The following RPS6KA2 variants were observed in gnomAD, a reference collection of about 807,000 sequenced individuals.
RPS6KA2 encodes the protein ribosomal protein S6 kinase A2.
In RPS6KA2, 42 loss-of-function variants were observed where a neutral mutation model predicts 91.8. The observed-to-expected ratio is 0.46, with a 90% CI of 0.36 to 0.59. The LOEUF (loss-of-function observed/expected upper bound fraction) is 0.59, where lower values mean the gene tolerates loss of function less well. Ranked by LOEUF, RPS6KA2 falls within the 20% of genes least tolerant of loss-of-function variation. The probability of loss-of-function intolerance (pLI) is 0.00; values close to 1 mark genes in which losing one functional copy is unlikely to be tolerated. For missense variants in RPS6KA2, 798 were observed against 978.5 expected, an observed-to-expected ratio of 0.82 and a Z score of 2.46; for synonymous variants, 414 against 393.6, an observed-to-expected ratio of 1.05 and a Z score of -0.61.
intron 1 of RPS6KA2, among the ~76,000 whole-genome samples, chr6:166,552,487 A>G (rs1226302501): frequency 6.6e-6 from 1 of 152,216 alleles, no homozygotes; most frequent in African/African-American, 2.4e-5. Context: ...CATTACTGGC[A>G]CAATATATAA....
At chr6:166,450,614 T>C (rs116048943) in intron 13 of RPS6KA2, among the ~76,000 whole-genome samples, 2,334 of 109,248 alleles carry the variant, frequency 0.021, 63 homozygotes, top group African/African-American at 0.078. Flanking sequence ...GGAATATCCA[T>C]GGGAGACCAC....
At chr6:166,534,623 G>C (rs1783422545) in intron 2 of RPS6KA2, among the ~76,000 whole-genome samples, 1 of 152,240 alleles carries the variant, frequency 6.6e-6, no homozygotes, top group Non-Finnish European at 1.5e-5. Flanking sequence ...ATGATGTCAA[G>C]TTTTGCATAG....
At chr6:166,532,124 G>T (rs1184526139) in intron 2 of RPS6KA2, among the ~76,000 whole-genome samples, 1 of 152,250 alleles carries the variant, frequency 6.6e-6, no homozygotes, top group Non-Finnish European at 1.5e-5. Context: ...TATGGCTGGA[G>T]GGCCGAGGTA....
chr6:166,716,333 A>AT (rs1391424082), intron 2 of RPS6KA2, among the ~76,000 whole-genome samples: 2 of 152,134 alleles, frequency 1.3e-5, no homozygotes, highest in Non-Finnish European at 2.9e-5. Flanking sequence ...TAGGACGATG[A>AT]TTTCCCACCG....
intron 12 of RPS6KA2, among the ~76,000 whole-genome samples, chr6:166,457,978 A>G (rs1780157279): frequency 6.6e-6 from 1 of 152,232 alleles, no homozygotes; most frequent in Non-Finnish European, 1.5e-5. Flanking sequence ...GCCAACCACC[A>G]GCTCCCTGGA....
At chr6:166,828,195 C>T (rs1780094563) in intron 2 of RPS6KA2, among the ~76,000 whole-genome samples, 1 of 152,218 alleles carries the variant, frequency 6.6e-6, no homozygotes, top group African/African-American at 2.4e-5. Context: ...GTGCTGTGGC[C>T]TCAGGGAGTC....
chr6:166,799,859 G>A (rs1001077756), intron 2 of RPS6KA2, among the ~76,000 whole-genome samples: 2 of 151,962 alleles, frequency 1.3e-5, no homozygotes, highest in Non-Finnish European at 2.9e-5. Context: ...CCCTGTCTCC[G>A]GAGTAGTGTA....
chr6:166,690,661 G>A (rs1183582181), intron 2 of RPS6KA2, among the ~76,000 whole-genome samples: 1 of 152,184 alleles, frequency 6.6e-6, no homozygotes, highest in African/African-American at 2.4e-5. Context: ...GGGCAGGAGG[G>A]GACGGGGGCT....
intron 1 of RPS6KA2, among the ~76,000 whole-genome samples, chr6:166,590,369 A>G (rs1018705083): frequency 1.6e-4 from 24 of 152,172 alleles, no homozygotes; most frequent in Non-Finnish European, 2.9e-5. Flanking sequence ...AAGTTCACAG[A>G]TTCCCAGTGT....
At chr6:166,783,870 C>G (rs1411217761) in intron 2 of RPS6KA2, among the ~76,000 whole-genome samples, 1 of 99,494 alleles carries the variant, frequency 1.0e-5, no homozygotes, top group Admixed American at 9.4e-5. Context: ...CACGTGCACA[C>G]CTACGCATCA....
chr6:166,592,022 G>C lies in RPS6KA2; in HGVS notation c.99+34899C>G, dbSNP rs574657124. Among the ~76,000 whole-genome samples the C allele has an allele frequency of 2.1e-3, 324 of 152,298 alleles. 1 individual carries two copies. The highest frequency in any genetic ancestry group is 7.4e-3 in the African/African-American group (309 of 41,550). On this transcript the variant is annotated intron_variant, in intron 1 of 20. Transcript: ENST00000265678. ...CTTAGACAATGAGAAAATGATGGAC[G>C]TTCTGTTTAAAAAATAATCACCAGC...
At chr6:166,608,769 T>C (rs1045382275) in intron 1 of RPS6KA2, among the ~76,000 whole-genome samples, 3 of 152,204 alleles carry the variant, frequency 2.0e-5, no homozygotes, top group South Asian at 2.1e-4. Context: ...GCTCCAGTCC[T>C]GGCCCATCGT....
chr6:166,484,939 A>G (rs1781353840), intron 10 of RPS6KA2, among the ~76,000 whole-genome samples: 2 of 152,264 alleles, frequency 1.3e-5, no homozygotes, highest in South Asian at 4.1e-4. Flanking sequence ...TTCAAGTCAG[A>G]TAATGACTAC....
chr6:166,819,789 C>T (rs1302976907), intron 2 of RPS6KA2, among the ~76,000 whole-genome samples: 1 of 152,158 alleles, frequency 6.6e-6, no homozygotes, highest in East Asian at 1.9e-4. Flanking sequence ...TTTTCAATAA[C>T]TGGCTGTATG....
intron 9 of RPS6KA2, among the ~76,000 whole-genome samples, chr6:166,489,894 T>C (rs1781531471): frequency 6.6e-6 from 1 of 151,998 alleles, no homozygotes; most frequent in Admixed American, 6.5e-5. Flanking sequence ...CAAGAGCAGC[T>C]CATGAGGACA....
At chr6:166,647,619 A>G (rs1787649700) in intron 2 of RPS6KA2, among the ~76,000 whole-genome samples, 1 of 152,194 alleles carries the variant, frequency 6.6e-6, no homozygotes, top group Non-Finnish European at 1.5e-5. Flanking sequence ...ACTCTTTACT[A>G]CTGCTCTTAA....
intron 11 of RPS6KA2, among the ~76,000 whole-genome samples, chr6:166,468,407 C>A (rs1780620545): frequency 6.6e-6 from 1 of 152,224 alleles, no homozygotes; most frequent in Non-Finnish European, 1.5e-5. Context: ...TATCACTCTT[C>A]CCCAGTTTGA....
rs1264893612 is a variant in RPS6KA2 at position 166,437,099 on chromosome 6, G to A, written c.1333-4609C>T. 6.6e-6 allele frequency among the ~76,000 whole-genome samples: 1 copy of A among 152,150 alleles called. No homozygotes were observed. The highest frequency in any genetic ancestry group is 1.9e-4 in the East Asian group (1 of 5,162). On this transcript the variant is annotated intron_variant, in intron 14 of 20. Transcript: ENST00000265678. The surrounding 1 kb of genome is among the most constrained non-coding windows in gnomAD (Gnocchi z 4.3). ...GCTATTTGAGCAAGGTAAGGCTGGA[G>A]AGTGCTAACGCAGGAGTGGGCAGTG...
intron 2 of RPS6KA2, among the ~76,000 whole-genome samples, chr6:166,756,482 T>C (rs1456273636): frequency 6.6e-6 from 1 of 152,238 alleles, no homozygotes; most frequent in African/African-American, 2.4e-5. Context: ...TAGCATGACC[T>C]GGTTTGGATC....
Sources: gnomAD v4.1 joint callset for allele counts (sites outside exome capture counted in the v4.1 genomes callset) on GRCh38, gnomAD v4.1.1 for gene constraint, Gnocchi (gnomAD v3.1) non-coding constraint, MANE v1.5 for transcripts, NCBI Gene and HGNC (gene_info 2026-07-23, HGNC 2026-07-21) for gene names.